Variants in REDIC1 observed in about 807,000 individuals in gnomAD.
REDIC1 encodes regulator of DNA class I crossover intermediates 1, also known as HEI10 Interacting Protein 1.
the REDIC1 span, among the ~76,000 whole-genome samples, chr12:39,704,092 G>A: frequency 1.3e-5 from 2 of 152,192 alleles, no homozygotes; most frequent in African/African-American, 4.8e-5. Flanking sequence ...TTAAAGTAAA[G>A]AGCTTCTGCA....
At chr12:39,897,608 G>C in the REDIC1 span, among the ~76,000 whole-genome samples, 1,769 of 152,226 alleles carry the variant, frequency 0.012, 29 homozygotes, top group African/African-American at 0.039. Flanking sequence ...ACCACATGCA[G>C]CTCTTGAGCA....
the REDIC1 span, among the ~76,000 whole-genome samples, chr12:39,699,116 A>T: frequency 1.3e-5 from 2 of 152,228 alleles, no homozygotes; most frequent in African/African-American, 2.4e-5. Flanking sequence ...AAGAAGATGT[A>T]AATAAATAAA....
At chr12:39,907,469 C>T in the REDIC1 span, among the ~76,000 whole-genome samples, 34 of 152,160 alleles carry the variant, frequency 2.2e-4, no homozygotes, top group African/African-American at 7.5e-4. Context: ...AAAAATGGAC[C>T]TCAGTGCCCT....
chr12:39,877,713 A>G, the REDIC1 span, among the ~76,000 whole-genome samples: 1 of 152,220 alleles, frequency 6.6e-6, no homozygotes, highest in Non-Finnish European at 1.5e-5. Flanking sequence ...TACAGAAATA[A>G]TATCAGCCAA....
chr12:39,703,237 C>G, the REDIC1 span, among the ~76,000 whole-genome samples: 15 of 151,496 alleles, frequency 9.9e-5, no homozygotes, highest in Non-Finnish European at 2.2e-4. Flanking sequence ...TCAGCAAAGT[C>G]TCAGGATACA....
At chr12:39,877,572 TC>T in the REDIC1 span, among the ~76,000 whole-genome samples, 1 of 152,166 alleles carries the variant, frequency 6.6e-6, no homozygotes, top group South Asian at 2.1e-4. Context: ...ATAACTATAT[TC>T]TCTTTCATAG....
chr12:39,712,604 T>C, the REDIC1 span, among the ~76,000 whole-genome samples: 1 of 145,250 alleles, frequency 6.9e-6, no homozygotes, highest in Non-Finnish European at 1.5e-5. Flanking sequence ...TATACATATA[T>C]ATGTATATAT....
At chr12:39,756,367 T>C in the REDIC1 span, 1 of 151,882 alleles carries the variant, frequency 6.6e-6, no homozygotes, top group Non-Finnish European at 1.5e-5. Context: ...TCACAACAAG[T>C]GAATAAAAGT....
chr12:39,675,910 A>G, the REDIC1 span, among the ~76,000 whole-genome samples: 1 of 152,196 alleles, frequency 6.6e-6, no homozygotes, highest in Non-Finnish European at 1.5e-5. Context: ...AGAGCACCAC[A>G]TCAAAGGATC....
chr12:39,889,576 A>G, the REDIC1 span, among the ~76,000 whole-genome samples: 1 of 131,098 alleles, frequency 7.6e-6, no homozygotes, highest in East Asian at 2.2e-4. Context: ...CTCTGTCACT[A>G]GGCTAGACTG....
chr12:39,635,438 A>G, the REDIC1 span, among the ~76,000 whole-genome samples: 7,617 of 152,280 alleles, frequency 0.05, 251 homozygotes, highest in East Asian at 0.15. Context: ...TGTGGCACAT[A>G]TACACCATGG....
At chr12:39,758,330 A>ATAAC in the REDIC1 span, 1 of 151,896 alleles carries the variant, frequency 6.6e-6, no homozygotes, top group Non-Finnish European at 1.5e-5. Context: ...TCTCAGCTTG[A>ATAAC]TAACTGTGAT....
the REDIC1 span, among the ~76,000 whole-genome samples, chr12:39,859,783 C>A: frequency 1.3e-5 from 2 of 152,112 alleles, no homozygotes; most frequent in Non-Finnish European, 1.5e-5. Flanking sequence ...GACTTGGCCT[C>A]CCAAAGTGCT....
At chr12:39,657,519 T>C in the REDIC1 span, among the ~76,000 whole-genome samples, 6 of 152,344 alleles carry the variant, frequency 3.9e-5, no homozygotes, top group East Asian at 1.2e-3. Flanking sequence ...GTGTTCTCTT[T>C]TGTGGGAAGT....
the REDIC1 span, among the ~76,000 whole-genome samples, chr12:39,858,160 A>C: frequency 6.6e-6 from 1 of 152,238 alleles, no homozygotes; most frequent in African/African-American, 2.4e-5. Flanking sequence ...TCCAGGTGTC[A>C]AATTCAGCAC....
chr12:39,681,591 A>G, the REDIC1 span, among the ~76,000 whole-genome samples: 7 of 152,216 alleles, frequency 4.6e-5, no homozygotes, highest in African/African-American at 1.4e-4. Flanking sequence ...AGTGCATACT[A>G]TATACTGTGT....
At chr12:39,840,243 C>A in the REDIC1 span, among the ~76,000 whole-genome samples, 21 of 151,710 alleles carry the variant, frequency 1.4e-4, no homozygotes, top group Admixed American at 1.4e-3. Flanking sequence ...TGTTGGCCAG[C>A]CACCACGCCC....
chr12:39,704,000 C>G, the REDIC1 span, among the ~76,000 whole-genome samples: 1 of 152,184 alleles, frequency 6.6e-6, no homozygotes, highest in Non-Finnish European at 1.5e-5. Flanking sequence ...CATTACCATT[C>G]AGGACATAGG....
At chr12:39,719,162 C>G in the REDIC1 span, among the ~76,000 whole-genome samples, 1 of 152,070 alleles carries the variant, frequency 6.6e-6, no homozygotes. Flanking sequence ...GAAGAGATGA[C>G]TGTCCTTTAA....
Sources: allele counts gnomAD v4.1 joint callset (sites outside exome capture counted in the v4.1 genomes callset), GRCh38; gene constraint gnomAD v4.1.1; transcripts MANE v1.5; gene names NCBI Gene and HGNC (gene_info 2026-07-23, HGNC 2026-07-21).